JAK1: variants seen among roughly 807,000 people sequenced by gnomAD.
The protein encoded by JAK1 is tyrosine-protein kinase JAK1.
JAK1 carries 16 observed loss-of-function variants against 136.6 expected under a neutral mutation model. The observed-to-expected ratio is 0.12, with a 90% CI of 0.08 to 0.18. The LOEUF (loss-of-function observed/expected upper bound fraction) is 0.18. JAK1 is among the 10% of genes least tolerant of loss of function. The pLI, the probability that JAK1 is intolerant of heterozygous loss-of-function variation, is 1.00. For synonymous variants in JAK1, 492 were observed against 519.5 expected (o/e 0.95, Z 0.72); for missense variants, 859 against 1,450.1 (o/e 0.59, Z 6.62).
intron 1 of JAK1, among the ~76,000 whole-genome samples, chr1:64,958,611 A>G (rs1480422816): frequency 6.6e-6 from 1 of 152,274 alleles, no homozygotes; most frequent in Non-Finnish European, 1.5e-5. Context: ...CCACCAAACT[A>G]GTTTAATAAC....
intron 10 of JAK1, among the ~76,000 whole-genome samples, chr1:64,856,008 C>T (rs1017845110): frequency 3.3e-5 from 5 of 152,192 alleles, no homozygotes; most frequent in African/African-American, 1.2e-4. Flanking sequence ...TCATGAAAAT[C>T]CAACCTCATA....
intron 4 of JAK1, among the ~76,000 whole-genome samples, chr1:64,878,154 A>G (rs1419796561): frequency 6.6e-6 from 1 of 152,212 alleles, no homozygotes; most frequent in Non-Finnish European, 1.5e-5. Context: ...ATACCTCTGT[A>G]AGTTAACCTG....
intron 1 of JAK1, among the ~76,000 whole-genome samples, chr1:65,048,399 T>C (rs1248776274): frequency 6.6e-6 from 1 of 152,220 alleles, no homozygotes; most frequent in African/African-American, 2.4e-5. Flanking sequence ...TCAGAGACTT[T>C]CAATGTGCTC....
chr1:64,855,652 A>G lies in JAK1; in HGVS notation c.1505T>C (p.Val502Ala). The change falls in exon 11 of 25, where the codon GTG becomes GCG. Residue 502 changes from valine (V) to alanine (A), a missense_variant. Physicochemically the swap from Val to Ala is moderately conservative, Grantham distance 64. Transcript: ENST00000342505. ...GTGCAGACTGTAGCGGCCCTTCTGC[A>G]CCTCGATCTGAAAGTTCTTGAACTG... ...QKQFKNFQIEVQKGRYSLHGS... is the reference protein window; with the variant it reads ...QKQFKNFQIEAQKGRYSLHGS... The G allele has an allele frequency of 6.2e-7, 1 of 1,614,026 alleles. No individual in the cohort carries two copies. The highest frequency in any genetic ancestry group is 8.5e-7 in the Non-Finnish European group (1 of 1,179,978).
chr1:64,974,910 T>G lies in JAK1; in HGVS notation c.-78+69570A>C, dbSNP rs1646484842. ...TTGTTTGTTTGTTTTGTTTTGTTTTTTGTTTTTTGTTTTTTTGAGATGGAG... is the reference window on the plus strand; with the variant it reads ...TTGTTTGTTTGTTTTGTTTTGTTTTGTGTTTTTTGTTTTTTTGAGATGGAG... On this transcript the variant is annotated intron_variant, in intron 2 of 25. Coordinates refer to the JAK1 transcript ENST00000671954. Among the ~76,000 whole-genome samples, 3 of 152,106 alleles carry G rather than the reference T, an allele frequency of 2.0e-5. No homozygotes were observed. The South Asian group carries it at 6.2e-4, about 32-fold the overall frequency.
At chr1:64,837,093 G>C (rs1440868994) in intron 22 of JAK1, among the ~76,000 whole-genome samples, 1 of 152,122 alleles carries the variant, frequency 6.6e-6, no homozygotes, top group African/African-American at 2.4e-5. Context: ...AATCTTTCAG[G>C]TTTCTTCTGA....
At chr1:64,962,098 T>G (rs1646292301) in intron 1 of JAK1, among the ~76,000 whole-genome samples, 1 of 152,220 alleles carries the variant, frequency 6.6e-6, no homozygotes. Context: ...TACATGCATA[T>G]AGTCTGCAAC....
chr1:64,883,028 T>C (rs1386957439), intron 3 of JAK1, among the ~76,000 whole-genome samples: 3 of 152,158 alleles, frequency 2.0e-5, no homozygotes, highest in Non-Finnish European at 4.4e-5. Flanking sequence ...CCTGGTATCT[T>C]ATAGTTCATT....
chr1:64,974,957 T>G (rs944665251), intron 2 of JAK1, among the ~76,000 whole-genome samples: 1 of 152,084 alleles, frequency 6.6e-6, no homozygotes, highest in Non-Finnish European at 1.5e-5. Context: ...TTGCCCAGGC[T>G]GGAGTGCAAT....
At chr1:64,863,661 T>G (rs1026996449) in intron 8 of JAK1, among the ~76,000 whole-genome samples, 1 of 152,210 alleles carries the variant, frequency 6.6e-6, no homozygotes, top group Non-Finnish European at 1.5e-5. Context: ...ATTGATATTT[T>G]GAACAAAACT....
At chr1:64,947,816 T>G (rs1646014765) in intron 1 of JAK1, among the ~76,000 whole-genome samples, 2 of 151,746 alleles carry the variant, frequency 1.3e-5, no homozygotes, top group African/African-American at 2.4e-5. Context: ...AAATTTAACA[T>G]AACATTTCCA....
chr1:64,957,177 T>C (rs981721181), intron 1 of JAK1, among the ~76,000 whole-genome samples: 1 of 152,056 alleles, frequency 6.6e-6, no homozygotes, highest in African/African-American at 2.4e-5. Context: ...GGCAGCAGAA[T>C]GAAGGGAAAG....
intron 14 of JAK1, among the ~76,000 whole-genome samples, chr1:64,846,417 TG>T (rs10708049): frequency 0.36 from 54,288 of 151,854 alleles, 11,727 homozygotes; most frequent in African/African-American, 0.61. Context: ...GTAGGGTTCT[TG>T]GCCAGCGTTG....
intron 1 of JAK1, among the ~76,000 whole-genome samples, chr1:64,964,240 C>T (rs1646334256): frequency 6.6e-6 from 1 of 152,200 alleles, no homozygotes; most frequent in African/African-American, 2.4e-5. Flanking sequence ...AATCTTCTAA[C>T]AGCATGCTAT....
At chr1:64,875,025 TA>T (rs958773853) in intron 4 of JAK1, among the ~76,000 whole-genome samples, 16 of 152,328 alleles carry the variant, frequency 1.1e-4, no homozygotes, top group African/African-American at 3.6e-4. Context: ...CCTTCCTCCA[TA>T]AAAAATATTA....
At chr1:64,886,402 G>C in intron 1 of JAK1, 61 bp from the exon 2 acceptor site, 1 of 946,768 alleles carries the variant, frequency 1.1e-6, no homozygotes, top group South Asian at 2.1e-5. Flanking sequence ...AAAATAAGAG[G>C]GCATTTTCAT....
At chr1:64,971,333 T>A (rs747405098), upstream of JAK1, among the ~76,000 whole-genome samples, 4 of 152,212 alleles carry the variant, frequency 2.6e-5, no homozygotes, top group Non-Finnish European at 5.9e-5. Context: ...TCTATACAAG[T>A]CTTCATAACG....
chr1:65,063,188 G>C lies in JAK1; in HGVS notation c.-181+4416C>G, dbSNP rs555139003. ...TAGATGAAGCAAAGAAAAAATAAATGGAAGTGAGTGACAGATGAGTAGAAT... is the reference window on the plus strand; with the variant it reads ...TAGATGAAGCAAAGAAAAAATAAATCGAAGTGAGTGACAGATGAGTAGAAT... On this transcript the variant is annotated intron_variant, in intron 1 of 25. Transcript: ENST00000671954. Among the ~76,000 whole-genome samples the C allele has an allele frequency of 2.0e-5, 3 of 152,302 alleles. No homozygotes were observed. The South Asian group carries it at 6.2e-4, about 32-fold the overall frequency.
chr1:64,844,177 C>A lies in JAK1; in HGVS notation c.2290G>T (p.Val764Phe). 1 of 1,614,252 alleles carries A rather than the reference C, an allele frequency of 6.2e-7. No individual in the cohort carries two copies. Among genetic ancestry groups the A allele is most frequent in the South Asian group, 1.1e-5 (1 of 91,084 alleles). ...ERIPWIAPECVEDSKNLSVAA... is the reference protein window; with the variant it reads ...ERIPWIAPECFEDSKNLSVAA... Reference sequence around the variant, plus strand: ...ACACTCAGGTTCTTGGAGTCCTCAACACACTCAGGAGCAATCCATGGGATT... The same window carrying A: ...ACACTCAGGTTCTTGGAGTCCTCAAAACACTCAGGAGCAATCCATGGGATT... The change falls in exon 17 of 25, where the codon GTT (valine) becomes TTT (phenylalanine). Residue 764 changes from valine to phenylalanine, a missense_variant. Coordinates refer to ENST00000342505, the MANE Select transcript of JAK1 (RefSeq NM_002227.4). This position sits in a 1 kb window ranked among gnomAD's most constrained non-coding sequence, Gnocchi z 5.7.
Sources: gnomAD v4.1 joint callset for allele counts (sites outside exome capture counted in the v4.1 genomes callset) on GRCh38, gnomAD v4.1.1 for gene constraint, Gnocchi (gnomAD v3.1) non-coding constraint, MANE v1.5 for transcripts, NCBI Gene and HGNC (gene_info 2026-07-23, HGNC 2026-07-21) for gene names.